Variants in METTL15 observed in about 807,000 individuals in gnomAD.
The protein encoded by METTL15 is 12S rRNA N(4)-cytidine methyltransferase METTL15.
In METTL15, 34 loss-of-function variants were observed where a neutral mutation model predicts 38.3. That is an observed-to-expected ratio of 0.89 (90% CI 0.68 to 1.18). The LOEUF (loss-of-function observed/expected upper bound fraction) is 1.18, where lower values mean the gene tolerates loss of function less well. Ranked by LOEUF, METTL15 falls within the 50% of genes most tolerant of loss-of-function variation. The pLI is 0.00. For missense variants in METTL15, 438 were observed against 498.4 expected, an observed-to-expected ratio of 0.88 and a Z score of 1.15; for synonymous variants, 162 against 170.9, an observed-to-expected ratio of 0.95 and a Z score of 0.41.
At chr11:28,236,256 G>T (rs1303326175) in intron 4 of METTL15, among the ~76,000 whole-genome samples, 3 of 152,142 alleles carry the variant, frequency 2.0e-5, no homozygotes, top group East Asian at 1.9e-4. Context: ...AAGGATATTG[G>T]TCTAAAATTC....
At chr11:28,429,969 C>T (rs1191123682) in intron 6 of METTL15, among the ~76,000 whole-genome samples, 6 of 128,468 alleles carry the variant, frequency 4.7e-5, no homozygotes, top group African/African-American at 5.9e-5. Flanking sequence ...TCTGCCCGGC[C>T]GCCCATCGTC....
chr11:28,201,983 G>C (rs1852133742), intron 3 of METTL15, among the ~76,000 whole-genome samples: 1 of 152,108 alleles, frequency 6.6e-6, no homozygotes, highest in South Asian at 2.1e-4. Context: ...GCAAAGGCCA[G>C]AATATGAAGA....
intron 4 of METTL15, among the ~76,000 whole-genome samples, chr11:28,237,935 A>G (rs769197126): frequency 1.3e-5 from 2 of 152,152 alleles, no homozygotes; most frequent in Non-Finnish European, 2.9e-5. Flanking sequence ...GTGATCCGCA[A>G]ATGCTGCTGT....
chr11:28,227,079 T>C (rs1307131922), intron 4 of METTL15, among the ~76,000 whole-genome samples: 2 of 151,918 alleles, frequency 1.3e-5, no homozygotes, highest in Non-Finnish European at 2.9e-5. Context: ...CAGGAGATGT[T>C]AGCCTTGTAA....
intron 6 of METTL15, among the ~76,000 whole-genome samples, chr11:28,432,547 G>A (rs549118116): frequency 2.0e-5 from 3 of 152,282 alleles, no homozygotes; most frequent in East Asian, 1.9e-4. Flanking sequence ...CTGTTTGCCC[G>A]ATATAGAAAA....
chr11:28,372,689 T>A (rs1361290116), intron 5 of METTL15, among the ~76,000 whole-genome samples: 1 of 151,496 alleles, frequency 6.6e-6, no homozygotes, highest in East Asian at 1.9e-4. Flanking sequence ...TACATATGTA[T>A]ACATGTGCCA....
At chr11:28,171,446 A>G (rs1052991773) in intron 3 of METTL15, among the ~76,000 whole-genome samples, 25 of 152,298 alleles carry the variant, frequency 1.6e-4, no homozygotes, top group Middle Eastern at 6.8e-3. Context: ...GGTTTGCCAA[A>G]TGTTCTTAAT....
intron 3 of METTL15, among the ~76,000 whole-genome samples, chr11:28,341,558 A>T (rs1471412643): frequency 6.6e-6 from 1 of 152,198 alleles, no homozygotes; most frequent in East Asian, 1.9e-4. Flanking sequence ...TTATCTCTAA[A>T]CCTCATTTTA....
At chr11:28,194,112 T>C (rs1467974279) in intron 3 of METTL15, among the ~76,000 whole-genome samples, 1 of 93,914 alleles carries the variant, frequency 1.1e-5, no homozygotes, top group Non-Finnish European at 2.2e-5. Flanking sequence ...TTTACTTGCT[T>C]TGATGGTTGA....
In METTL15 at chr11:28,265,374, C is replaced by A. The variant is rs576136521; in HGVS notation, c.408-24832C>A. 5.3e-5 allele frequency among the ~76,000 whole-genome samples: 8 copies of A among 151,734 alleles called. No homozygotes were observed. In the East Asian group the frequency reaches 1.6e-3, roughly 30 times the overall value. ...CTTGCTGAAAGTAGATGCTCACTGG[C>A]ATCATCATAGAAAGGATAGAAAGAA... is the stretch of plus-strand genomic sequence containing the variant. On this transcript the variant is annotated intron_variant, in intron 4 of 6. Transcript: ENST00000407364.
intron 3 of METTL15, chr11:28,145,224 C>T (rs937327314): frequency 6.6e-6 from 1 of 152,638 alleles, no homozygotes; most frequent in South Asian, 2.1e-4. Context: ...GATGAAAAAT[C>T]CATGGCCCCA....
chr11:28,361,352 C>T (rs2133368123), intron 4 of METTL15, among the ~76,000 whole-genome samples: 1 of 152,060 alleles, frequency 6.6e-6, no homozygotes, highest in East Asian at 1.9e-4. Flanking sequence ...GATTGCCATT[C>T]TAACTGGTGT....
chr11:28,200,294 A>C (rs1852061607), intron 3 of METTL15, among the ~76,000 whole-genome samples: 1 of 152,174 alleles, frequency 6.6e-6, no homozygotes, highest in African/African-American at 2.4e-5. Flanking sequence ...TCTTTGTAAA[A>C]TAGTGATGAT....
intron 3 of METTL15, among the ~76,000 whole-genome samples, chr11:28,196,293 G>T (rs539149811): frequency 6.6e-6 from 1 of 152,160 alleles, no homozygotes; most frequent in African/African-American, 2.4e-5. Context: ...GCTTTGGGCA[G>T]TATGGTCATG....
At chr11:28,446,002 G>A (rs550843192) in intron 6 of METTL15, among the ~76,000 whole-genome samples, 2 of 152,246 alleles carry the variant, frequency 1.3e-5, no homozygotes, top group South Asian at 2.1e-4. Context: ...TAGAGCTCAT[G>A]TTTTAAATCT....
At chr11:28,267,160 CAAAAAAA>C (rs57831121) in intron 4 of METTL15, among the ~76,000 whole-genome samples, 1 of 53,758 alleles carries the variant, frequency 1.9e-5, no homozygotes, top group Non-Finnish European at 3.9e-5. Flanking sequence ...AACTCCATCT[CAAAAAAA>C]AAAAAAAAAA....
chr11:28,468,192 C>T (rs1851273692), intron 6 of METTL15, among the ~76,000 whole-genome samples: 1 of 152,160 alleles, frequency 6.6e-6, no homozygotes, highest in Non-Finnish European at 1.5e-5. Flanking sequence ...AAGCCCTCAG[C>T]CTTCTTTTAT....
At chr11:28,277,137 T>C (rs930558558) in intron 4 of METTL15, among the ~76,000 whole-genome samples, 3 of 152,158 alleles carry the variant, frequency 2.0e-5, no homozygotes. Flanking sequence ...AGAAAATATT[T>C]AACAACTATT....
chr11:28,179,600 G>T (rs1851209456), intron 3 of METTL15, among the ~76,000 whole-genome samples: 2 of 151,736 alleles, frequency 1.3e-5, no homozygotes, highest in East Asian at 3.9e-4. Context: ...GGGATTAGTA[G>T]TTCATTCTTT....
Sources: gnomAD v4.1 joint callset for allele counts (sites outside exome capture counted in the v4.1 genomes callset) on GRCh38, gnomAD v4.1.1 for gene constraint, MANE v1.5 for transcripts, NCBI Gene and HGNC (gene_info 2026-07-23, HGNC 2026-07-21) for gene names.